Variants in BIN2 observed in about 807,000 individuals in gnomAD.
BIN2 encodes the protein bridging integrator 2.
In BIN2, 43 loss-of-function variants were observed where a neutral mutation model predicts 67.9. The ratio of observed to expected loss-of-function variants is 0.63; its 90% CI spans 0.50 to 0.82. The LOEUF is 0.82. Ranked by LOEUF, BIN2 falls within the 40% of genes least tolerant of loss-of-function variation. BIN2 has a pLI of 0.00. For missense variants in BIN2, 581 were observed against 671.6 expected (o/e 0.87, Z 1.49); for synonymous variants, 244 against 246.8 (o/e 0.99, Z 0.11).
chr12:51,323,947 C>A, intron 1 of BIN2, 75 bp downstream of exon 1: 1 of 1,576,698 alleles, frequency 6.3e-7, no homozygotes. Flanking sequence ...CCTGCCCGCC[C>A]CTCCTGCCCG....
At chr12:51,294,070 C>G (rs1420963590) in intron 9 of BIN2, among the ~76,000 whole-genome samples, 3 of 152,028 alleles carry the variant, frequency 2.0e-5, no homozygotes, top group African/African-American at 7.3e-5. Flanking sequence ...ATAGCAAAAA[C>G]CTAGAAGACA....
chr12:51,307,353 T>C (rs901495056), intron 2 of BIN2, among the ~76,000 whole-genome samples: 2 of 152,072 alleles, frequency 1.3e-5, no homozygotes, highest in African/African-American at 4.8e-5. Context: ...CTCAATTTTT[T>C]ACTTCACCAT....
chr12:51,299,077 A>AG (rs1385447858), intron 7 of BIN2, 126 bp downstream of exon 7: 14 of 461,722 alleles, frequency 3.0e-5, no homozygotes, highest in Non-Finnish European at 4.3e-5. Flanking sequence ...CCTGTCTCGA[A>AG]AAAAAAAAAA....
chr12:51,317,802 C>T (rs1946172156), intron 1 of BIN2, among the ~76,000 whole-genome samples: 1 of 151,928 alleles, frequency 6.6e-6, no homozygotes, highest in Admixed American at 6.6e-5. Flanking sequence ...TCTTGGCTAA[C>T]ACGATGAAAC....
chr12:51,313,736 A>G (rs1244953434), intron 2 of BIN2, 87 bp downstream of exon 2: 4 of 1,230,276 alleles, frequency 3.3e-6, no homozygotes, highest in Non-Finnish European at 4.8e-6. Flanking sequence ...GATGTTTGCC[A>G]GTTTGCAGAA....
chr12:51,295,536 C>G (rs1342887080), intron 9 of BIN2, among the ~76,000 whole-genome samples: 2 of 114,592 alleles, frequency 1.7e-5, no homozygotes, highest in African/African-American at 6.9e-5. Flanking sequence ...GCGCTCCAGC[C>G]TGGGCGACAG....
intron 1 of BIN2, among the ~76,000 whole-genome samples, chr12:51,323,572 G>A (rs1184721335): frequency 1.3e-5 from 2 of 152,160 alleles, no homozygotes; most frequent in Admixed American, 6.5e-5. Context: ...TTTGGTGGGG[G>A]GTGCCTGCTG....
At chr12:51,312,032 A>G (rs1946009933) in intron 2 of BIN2, among the ~76,000 whole-genome samples, 3 of 152,318 alleles carry the variant, frequency 2.0e-5, no homozygotes, top group Admixed American at 6.5e-5. Flanking sequence ...TCGGCCTCCC[A>G]AAGTGCTGGG....
At position 51,291,844 on chromosome 12, in the gene BIN2, C is replaced by G. The variant is rs1192891311; in HGVS notation, c.1262G>C (p.Arg421Thr). Residue 421 changes from arginine (R) to threonine (T), a missense_variant, in exon 10 of 13, where the codon AGA becomes ACA. By Grantham distance (71) the Arg-to-Thr change is moderately conservative. Transcript: ENST00000615107. ...SAPPSRPPPP[R>T]ATASPRPSSG... Reference sequence around the variant, plus strand: ...GGAGGGCCTGGGGCTTGCAGTGGCTCTGGGTGGAGGAGGCCTACTAGGGGG... The same window carrying G: ...GGAGGGCCTGGGGCTTGCAGTGGCTGTGGGTGGAGGAGGCCTACTAGGGGG... 1.2e-6 allele frequency: 2 copies of G among 1,614,070 alleles called. No individual in the cohort carries two copies. Among genetic ancestry groups the G allele is most frequent in the Admixed American group, 3.3e-5 (2 of 60,014 alleles).
chr12:51,295,572 AAAAAAATATATATATATATATATAT>A (rs1945525872), intron 9 of BIN2, among the ~76,000 whole-genome samples, 199 bp downstream of exon 9: 1 of 20,960 alleles, frequency 4.8e-5, no homozygotes, highest in African/African-American at 2.6e-4. Context: ...CAAAAAAAAA[AAAAAAATATATATATATATATATAT>A]ATATATATAT....
chr12:51,314,052 A>C (rs1946063864), intron 1 of BIN2, 149 bp from the exon 2 acceptor site: 1 of 269,190 alleles, frequency 3.7e-6, no homozygotes, highest in South Asian at 1.5e-4. Context: ...TTATTTATTT[A>C]TTTATTTATT....
In BIN2 at chr12:51,281,474, CAGG is replaced by C; in HGVS notation, c.*22_*24del. 1 of 1,612,290 alleles carries C rather than the reference CAGG, an allele frequency of 6.2e-7. No individual in the cohort carries two copies. The highest frequency in any genetic ancestry group is 8.5e-7 in the Non-Finnish European group (1 of 1,178,354). ...AGAGCTTCTCTGGCGAGGTTTGGGG[CAGG>C]AGGAGTCTTGGTAGTTTCTCTTCAG... On this transcript the variant is annotated 3_prime_UTR_variant, in exon 13 of 13. Transcript: ENST00000615107.
Position 51,289,111 on chromosome 12 carries a change from G to T in BIN2, c.1516-923C>A, listed in dbSNP as rs192313331. 3.0e-3 allele frequency among the ~76,000 whole-genome samples: 454 copies of T among 151,772 alleles called. 2 individuals carry two copies. The highest frequency in any genetic ancestry group is 0.011 in the African/African-American group (437 of 41,402). ...AGGCGGCCCATCCCATATTTTTTTTGATCAGCCCCTTGTGTCTCCTTTGCC... is the reference window on the plus strand; with the variant it reads ...AGGCGGCCCATCCCATATTTTTTTTTATCAGCCCCTTGTGTCTCCTTTGCC... On this transcript the variant is annotated intron_variant, in intron 10 of 12. Coordinates refer to ENST00000615107, the MANE Select transcript of BIN2 (RefSeq NM_016293.4).
At chr12:51,296,053 C>T (rs750742245) in intron 8 of BIN2, among the ~76,000 whole-genome samples, 175 bp from the exon 9 acceptor site, 3 of 152,104 alleles carry the variant, frequency 2.0e-5, no homozygotes, top group South Asian at 4.2e-4. Context: ...CCCGCCACCC[C>T]CTCTTCCCTG....
chr12:51,294,669 TATTAC>T (rs1945487665), intron 9 of BIN2, among the ~76,000 whole-genome samples: 1 of 13,404 alleles, frequency 7.5e-5, no homozygotes, highest in East Asian at 2.5e-3. Flanking sequence ...TTACATTTAG[TATTAC>T]ATTTAGTATT....
chr12:51,302,316 C>T (rs368877877), intron 4 of BIN2: 107 of 558,822 alleles, frequency 1.9e-4, no homozygotes, highest in African/African-American at 1.7e-3. Context: ...TCTGAACATA[C>T]ATTCAGAGAT....
chr12:51,311,723 G>A (rs539918520), intron 2 of BIN2, among the ~76,000 whole-genome samples: 37 of 152,060 alleles, frequency 2.4e-4, no homozygotes, highest in African/African-American at 8.7e-4. Flanking sequence ...TGTGATAATG[G>A]TATTGTAGTT....
intron 1 of BIN2, among the ~76,000 whole-genome samples, chr12:51,319,665 C>T (rs981105821): frequency 1.3e-5 from 2 of 152,058 alleles, no homozygotes; most frequent in African/African-American, 2.4e-5. Flanking sequence ...TGTGGCAAAA[C>T]GTTAACACTT....
At chr12:51,318,713 G>A (rs750616553) in intron 1 of BIN2, among the ~76,000 whole-genome samples, 16 of 152,262 alleles carry the variant, frequency 1.1e-4, no homozygotes, top group Non-Finnish European at 1.6e-4. Flanking sequence ...TAAAACTTTT[G>A]AGCCTCGGTT....
Sources: allele counts gnomAD v4.1 joint callset (sites outside exome capture counted in the v4.1 genomes callset), GRCh38; gene constraint gnomAD v4.1.1; transcripts MANE v1.5; gene names NCBI Gene and HGNC (gene_info 2026-07-23, HGNC 2026-07-21).